TSHZ2: variants seen among roughly 807,000 people sequenced by gnomAD.
The protein encoded by TSHZ2 is teashirt homolog 2.
Under a neutral mutation model 74.4 loss-of-function variants are expected in TSHZ2, and 21 were observed. The observed-to-expected ratio is 0.28, with a 90% CI of 0.20 to 0.41. TSHZ2 has a LOEUF of 0.41. TSHZ2 is among the 10% of genes least tolerant of loss of function. TSHZ2 has a pLI of 1.00. For missense variants in TSHZ2, 1,244 were observed against 1,293.5 expected (o/e 0.96, Z 0.59); for synonymous variants, 540 against 515.3 (o/e 1.05, Z -0.65).
intron 1 of TSHZ2, among the ~76,000 whole-genome samples, chr20:53,003,787 C>G (rs1319572429): frequency 6.6e-6 from 1 of 152,186 alleles, no homozygotes; most frequent in South Asian, 2.1e-4. Context: ...ACAAATTGTA[C>G]ATTAATATTT....
intron 1 of TSHZ2, among the ~76,000 whole-genome samples, chr20:53,063,879 A>G (rs1354650802): frequency 1.3e-5 from 2 of 152,234 alleles, no homozygotes; most frequent in African/African-American, 4.8e-5. Context: ...AACAGCACAT[A>G]TATTGAATAG....
chr20:53,198,837 T>A (rs2123566713), intron 1 of TSHZ2, among the ~76,000 whole-genome samples: 1 of 152,298 alleles, frequency 6.6e-6, no homozygotes, highest in Admixed American at 6.5e-5. Flanking sequence ...AACTTAAACA[T>A]AATGGTGGCT....
intron 1 of TSHZ2, among the ~76,000 whole-genome samples, chr20:53,050,114 T>TACACAC (rs575510874): frequency 0.1 from 11,898 of 113,320 alleles, 2,063 homozygotes; most frequent in African/African-American, 0.37. Flanking sequence ...TATATATATA[T>TACACAC]ATATATATAT....
intron 2 of TSHZ2, among the ~76,000 whole-genome samples, chr20:53,485,118 T>C (rs1259022610): frequency 7.9e-5 from 12 of 152,234 alleles, no homozygotes; most frequent in Non-Finnish European, 1.0e-4. Context: ...AGCACTTCTC[T>C]ACCGAAAACG....
chr20:53,001,962 G>A (rs1027371271), intron 1 of TSHZ2, among the ~76,000 whole-genome samples: 1 of 152,150 alleles, frequency 6.6e-6, no homozygotes, highest in African/African-American at 2.4e-5. Flanking sequence ...CTTAAAGGAA[G>A]TATAAAAAGA....
intron 2 of TSHZ2, among the ~76,000 whole-genome samples, chr20:53,473,342 C>A (rs1453321220): frequency 7.0e-6 from 1 of 142,836 alleles, no homozygotes; most frequent in Non-Finnish European, 1.5e-5. Flanking sequence ...CAAGTGGGTC[C>A]CTGACCCCTG....
At chr20:53,466,924 A>G (rs1985581152) in intron 2 of TSHZ2, among the ~76,000 whole-genome samples, 1 of 152,216 alleles carries the variant, frequency 6.6e-6, no homozygotes, top group African/African-American at 2.4e-5. Context: ...AGTTTCATTG[A>G]CAGCAATAAA....
chr20:53,041,831 G>A (rs900508755), intron 1 of TSHZ2, among the ~76,000 whole-genome samples: 2 of 152,198 alleles, frequency 1.3e-5, no homozygotes, highest in African/African-American at 2.4e-5. Flanking sequence ...AAACAGGATC[G>A]AGATGATCCT....
At chr20:53,372,846 GA>G (rs1981527047) in intron 2 of TSHZ2, among the ~76,000 whole-genome samples, 1 of 152,310 alleles carries the variant, frequency 6.6e-6, no homozygotes, top group Non-Finnish European at 1.5e-5. Flanking sequence ...GAACCTCTCT[GA>G]AAATCTACCT....
chr20:53,335,672 A>G (rs945916392), intron 2 of TSHZ2, among the ~76,000 whole-genome samples: 1 of 152,216 alleles, frequency 6.6e-6, no homozygotes, highest in Non-Finnish European at 1.5e-5. Context: ...GGGAAGGGTG[A>G]GAAGGGTGTT....
At chr20:53,396,390 T>G (rs1403319647) in intron 2 of TSHZ2, among the ~76,000 whole-genome samples, 1 of 152,188 alleles carries the variant, frequency 6.6e-6, no homozygotes, top group Non-Finnish European at 1.5e-5. Context: ...TTATTCCCAT[T>G]GTACAGATGA....
At chr20:53,144,186 G>A (rs763474597) in intron 1 of TSHZ2, among the ~76,000 whole-genome samples, 4 of 152,160 alleles carry the variant, frequency 2.6e-5, no homozygotes, top group Non-Finnish European at 5.9e-5. Context: ...AGCAAATTGG[G>A]AAGTTTAGAA....
At chr20:53,026,887 C>T (rs2123050108) in intron 1 of TSHZ2, among the ~76,000 whole-genome samples, 1 of 152,150 alleles carries the variant, frequency 6.6e-6, no homozygotes. Flanking sequence ...CCTGTAATCC[C>T]AGCACTTTTG....
intron 2 of TSHZ2, among the ~76,000 whole-genome samples, chr20:53,454,172 C>T (rs746264426): frequency 8.5e-5 from 13 of 152,202 alleles, no homozygotes; most frequent in Non-Finnish European, 1.6e-4. Context: ...AACTGCTAGA[C>T]TTAGAGGACC....
intron 1 of TSHZ2, among the ~76,000 whole-genome samples, chr20:53,142,889 G>A (rs2123419865): frequency 6.6e-6 from 1 of 151,966 alleles, no homozygotes; most frequent in South Asian, 2.1e-4. Flanking sequence ...AGACGATAAT[G>A]AGCACTTGGG....
At chr20:53,031,615 G>A (rs1002016125) in intron 1 of TSHZ2, among the ~76,000 whole-genome samples, 1 of 152,162 alleles carries the variant, frequency 6.6e-6, no homozygotes, top group African/African-American at 2.4e-5. Flanking sequence ...AGACGGCAAG[G>A]GTGGAAAAGT....
intron 2 of TSHZ2, among the ~76,000 whole-genome samples, chr20:53,358,913 CA>C (rs984056188): frequency 5.9e-5 from 9 of 151,886 alleles, no homozygotes; most frequent in African/African-American, 2.2e-4. Context: ...TTTTAAAAAC[CA>C]AAAATCCTTT....
intron 1 of TSHZ2, among the ~76,000 whole-genome samples, chr20:53,249,262 T>C (rs775114260): frequency 6.6e-6 from 1 of 152,222 alleles, no homozygotes; most frequent in Non-Finnish European, 1.5e-5. Flanking sequence ...TGCTGAGGAA[T>C]GGAGCCAAAG....
At chr20:53,121,576 C>T (rs1986811151) in intron 1 of TSHZ2, among the ~76,000 whole-genome samples, 1 of 152,188 alleles carries the variant, frequency 6.6e-6, no homozygotes, top group African/African-American at 2.4e-5. Context: ...TTTTGAGTTA[C>T]TATGTGGGAT....
Sources: allele counts gnomAD v4.1 joint callset (sites outside exome capture counted in the v4.1 genomes callset), GRCh38; gene constraint gnomAD v4.1.1; transcripts MANE v1.5; gene names NCBI Gene and HGNC (gene_info 2026-07-23, HGNC 2026-07-21).